Variants in PPP2R5C observed in about 807,000 individuals in gnomAD.
PPP2R5C encodes protein phosphatase 2 regulatory subunit B'gamma.
A neutral mutation model predicts 68.9 loss-of-function variants in PPP2R5C; 7 were observed. That is an observed-to-expected ratio of 0.10 (90% CI 0.06 to 0.19). The LOEUF (loss-of-function observed/expected upper bound fraction) is 0.19, where lower values mean the gene tolerates loss of function less well. Ranked by LOEUF, PPP2R5C falls within the 10% of genes least tolerant of loss-of-function variation. The pLI, the probability that PPP2R5C is intolerant of heterozygous loss-of-function variation, is 1.00. For synonymous variants in PPP2R5C, 210 were observed against 222.2 expected, an observed-to-expected ratio of 0.95 and a Z score of 0.49; for missense variants, 348 against 641.3, an observed-to-expected ratio of 0.54 and a Z score of 4.94.
intron 8 of PPP2R5C, among the ~76,000 whole-genome samples, chr14:101,901,328 A>C (rs2045678721): frequency 6.6e-6 from 1 of 152,134 alleles, no homozygotes. Context: ...TTGATCAGAG[A>C]AAGTGGGTTA....
At chr14:101,783,395 T>G (rs1246627841) in intron 2 of PPP2R5C, among the ~76,000 whole-genome samples, 1 of 150,762 alleles carries the variant, frequency 6.6e-6, no homozygotes, top group Non-Finnish European at 1.5e-5. Flanking sequence ...CCTGAGCTGA[T>G]GTCCCATCGG....
chr14:101,815,486 C>G (rs2039602300), intron 1 of PPP2R5C, among the ~76,000 whole-genome samples: 1 of 152,072 alleles, frequency 6.6e-6, no homozygotes. Flanking sequence ...GTTCACTTAC[C>G]AAATCTGCCA....
chr14:101,825,466 A>G lies in PPP2R5C; in HGVS notation c.94+15430A>G, dbSNP rs1337875967. 1.3e-5 allele frequency among the ~76,000 whole-genome samples: 2 copies of G among 152,134 alleles called. No individual in the cohort carries two copies. Among genetic ancestry groups the G allele is most frequent in the Non-Finnish European group, 2.9e-5 (2 of 68,020 alleles). On this transcript the variant is annotated intron_variant, in intron 1 of 13. Transcript: ENST00000334743. This position sits in a 1 kb window ranked among gnomAD's most constrained non-coding sequence, Gnocchi z 4.0. ...CCAAAAGGTAGCTTTCCTAGTCCTT[A>G]TCGTAGAGTGCACGCTCCCAGCTTT...
chr14:101,901,228 G>A (rs543269477), intron 8 of PPP2R5C, among the ~76,000 whole-genome samples: 2 of 152,126 alleles, frequency 1.3e-5, no homozygotes, highest in East Asian at 1.9e-4. Context: ...TGTTTTCTCC[G>A]TTGATCTTAT....
intron 2 of PPP2R5C, among the ~76,000 whole-genome samples, chr14:101,782,876 C>T (rs1161895031): frequency 5.9e-4 from 1 of 1,692 alleles, no homozygotes. Flanking sequence ...CCCTTCCCCT[C>T]CCTCTTTCTC....
chr14:101,835,409 A>T lies in PPP2R5C; in HGVS notation c.95-21277A>T, dbSNP rs2041022792. On this transcript the variant is annotated intron_variant, in intron 1 of 13. Coordinates refer to ENST00000334743, the Ensembl canonical transcript of PPP2R5C. The surrounding 1 kb of genome is among the most constrained non-coding windows in gnomAD (Gnocchi z 5.0). ...GCTCAAGAGAACTCAGTAGAGGGGA[A>T]TGTTGATGATTCAGGTATTTGGTTG... 6.6e-6 allele frequency among the ~76,000 whole-genome samples: 1 copy of T among 152,182 alleles called. No individual in the cohort carries two copies.
chr14:101,801,570 G>A (rs1436643856), intron 3 of PPP2R5C, among the ~76,000 whole-genome samples: 1 of 152,146 alleles, frequency 6.6e-6, no homozygotes, highest in African/African-American at 2.4e-5. Context: ...CAGTATTTTA[G>A]AACCATAAAT....
At chr14:101,909,746 T>TAAAC in intron 11 of PPP2R5C, 56 bp downstream of exon 13, 2 of 1,304,402 alleles carry the variant, frequency 1.5e-6, no homozygotes, top group Non-Finnish European at 1.1e-6. Flanking sequence ...TAATCCTAAG[T>TAAAC]AAACCTCTTC....
intron 5 of PPP2R5C, 155 bp from the exon 8 acceptor site, chr14:101,890,082 C>A: frequency 1.4e-6 from 1 of 730,050 alleles, no homozygotes; most frequent in South Asian, 1.5e-5. Flanking sequence ...TGAGGAGTTT[C>A]TTTGGTTCCT....
At chr14:101,761,789 G>GCGA (rs1420269376), upstream of PPP2R5C, 2 of 973,432 alleles carry the variant, frequency 2.1e-6, no homozygotes, top group African/African-American at 3.6e-5. Context: ...CCGGGCGGCG[G>GCGA]CGGCGGCGGC....
In PPP2R5C at chr14:101,916,433, G is replaced by A. The variant is rs997825951; in HGVS notation, c.1327-1398G>A. On this transcript the variant is annotated intron_variant, in intron 12 of 13. Coordinates refer to ENST00000334743, the Ensembl canonical transcript of PPP2R5C. This position sits in a 1 kb window ranked among gnomAD's most constrained non-coding sequence, Gnocchi z 5.5. Reference sequence around the variant, plus strand: ...GGGACAGAGGGTGTGGGAAAAGGCCGAAGACAGCCCACAGAGGAAGGAGCC... The same window carrying A: ...GGGACAGAGGGTGTGGGAAAAGGCCAAAGACAGCCCACAGAGGAAGGAGCC... Among the ~76,000 whole-genome samples, 2 of 152,176 alleles carry A rather than the reference G, an allele frequency of 1.3e-5. No homozygotes were observed. The highest frequency in any genetic ancestry group is 3.9e-4 in the East Asian group (2 of 5,190).
At chr14:101,837,270 A>G (rs965234670) in intron 1 of PPP2R5C, among the ~76,000 whole-genome samples, 2 of 152,058 alleles carry the variant, frequency 1.3e-5, no homozygotes. Context: ...CAGCCTCCCA[A>G]GTAGCTGGGA....
At chr14:101,801,354 T>A (rs2038854593) in intron 3 of PPP2R5C, among the ~76,000 whole-genome samples, 1 of 152,184 alleles carries the variant, frequency 6.6e-6, no homozygotes, top group Non-Finnish European at 1.5e-5. Flanking sequence ...TATATCAATT[T>A]TAAAAAAGAA....
chr14:101,778,202 G>T, intron 2 of PPP2R5C, among the ~76,000 whole-genome samples: 1 of 152,016 alleles, frequency 6.6e-6, no homozygotes, highest in East Asian at 1.9e-4. Flanking sequence ...GTGCTTGTTT[G>T]GCCATTTGTA....
chr14:101,881,445 G>A (rs894028122), intron 2 of PPP2R5C, among the ~76,000 whole-genome samples: 2 of 152,152 alleles, frequency 1.3e-5, no homozygotes, highest in Non-Finnish European at 2.9e-5. Flanking sequence ...AATAAAAATA[G>A]GTTATAAATG....
In PPP2R5C at chr14:101,769,880, G is replaced by C. The variant is rs368837932; in HGVS notation, c.93+6910G>C. 4.6e-5 allele frequency among the ~76,000 whole-genome samples: 7 copies of C among 152,218 alleles called. No individual in the cohort carries two copies. In the East Asian group the frequency reaches 1.4e-3, roughly 29 times the overall value. On this transcript the variant is annotated intron_variant, in intron 2 of 14. Coordinates refer to the PPP2R5C transcript ENST00000328724. ...GTACGTTCTGAGAGCTGTGTTGTTA[G>C]GCAATGTTGTTGTTTTGTAAACATG...
At chr14:101,862,674 TATGATA>T (rs1487294358) in intron 2 of PPP2R5C, among the ~76,000 whole-genome samples, 1 of 152,218 alleles carries the variant, frequency 6.6e-6, no homozygotes, top group Non-Finnish European at 1.5e-5. Flanking sequence ...CAGAAGCAGA[TATGATA>T]ATCTAGCATT....
Position 101,915,741 on chromosome 14 carries a change from G to GC in PPP2R5C, c.1327-2085dup, listed in dbSNP as rs2046635634. On this transcript the variant is annotated intron_variant, in intron 12 of 13. Transcript: ENST00000334743. This position sits in a 1 kb window ranked among gnomAD's most constrained non-coding sequence, Gnocchi z 4.2. ...GATACAAAGATGAGAACAAGACATAGCCCCCAGCCTCAGGGAGCTTACAGT... is the reference window on the plus strand; with the variant it reads ...GATACAAAGATGAGAACAAGACATAGCCCCCCAGCCTCAGGGAGCTTACAGT... Among the ~76,000 whole-genome samples the GC allele has an allele frequency of 6.6e-6, 1 of 152,200 alleles. No individual in the cohort carries two copies. Among genetic ancestry groups the GC allele is most frequent in the African/African-American group, 2.4e-5 (1 of 41,452 alleles).
chr14:101,927,692 T>C (rs904141814), exon 14 of PPP2R5C: 3 of 152,666 alleles, frequency 2.0e-5, no homozygotes, highest in African/African-American at 7.2e-5. Context: ...CTTCATATTT[T>C]GTACAAAATG....
Sources: allele counts gnomAD v4.1 joint callset (sites outside exome capture counted in the v4.1 genomes callset), GRCh38; gene constraint gnomAD v4.1.1; non-coding constraint Gnocchi (gnomAD v3.1); transcripts MANE v1.5; gene names NCBI Gene and HGNC (gene_info 2026-07-23, HGNC 2026-07-21).